The following SLC6A19 variants were observed in gnomAD, a reference collection of about 807,000 sequenced individuals.
SLC6A19 encodes solute carrier family 6 member 19.
In SLC6A19, 67 loss-of-function variants were observed where a neutral mutation model predicts 68.3. The ratio of observed to expected loss-of-function variants is 0.98; its 90% confidence interval spans 0.81 to 1.20. The LOEUF (loss-of-function observed/expected upper bound fraction) is 1.20, where lower values mean the gene tolerates loss of function less well. SLC6A19 is among the 50% of genes most tolerant of loss of function. The pLI is 0.00. For synonymous variants in SLC6A19, 392 were observed against 374.9 expected (o/e 1.05, Z -0.53); for missense variants, 813 against 851.6 (o/e 0.95, Z 0.56).
At chr5:1,211,233 C>G (rs868014793) in intron 3 of SLC6A19, among the ~76,000 whole-genome samples, 1 of 152,186 alleles carries the variant, frequency 6.6e-6, no homozygotes, top group Non-Finnish European at 1.5e-5. Flanking sequence ...GGTCCTCCCA[C>G]GATACGTGCA....
At position 1,223,252 on chromosome 5, in the gene SLC6A19, A is replaced by C. The variant is rs1746445310; in HGVS notation, c.*1348A>C. ...TAGATGAGCAGTTAAATAAAACTCAACTTGGCATAATTCAAGGCAAATACC... is the reference window on the plus strand; with the variant it reads ...TAGATGAGCAGTTAAATAAAACTCACCTTGGCATAATTCAAGGCAAATACC... On this transcript the variant is annotated 3_prime_UTR_variant, in exon 12 of 12. Transcript: ENST00000304460. 1 of 152,250 alleles carries C rather than the reference A, an allele frequency of 6.6e-6. No homozygotes were observed. The highest frequency in any genetic ancestry group is 6.5e-5 in the Admixed American group (1 of 15,288). 9.4% of individuals were successfully genotyped at this position (152,250 alleles called of 1,614,324 possible).
chr5:1,205,258 A>G (rs1745821986), intron 1 of SLC6A19, among the ~76,000 whole-genome samples: 1 of 152,136 alleles, frequency 6.6e-6, no homozygotes, highest in African/African-American at 2.4e-5. Context: ...ACCTCACCCC[A>G]CACTAGGAAG....
intron 1 of SLC6A19, among the ~76,000 whole-genome samples, chr5:1,206,146 G>T (rs1037572483): frequency 2.6e-5 from 4 of 152,232 alleles, no homozygotes; most frequent in Non-Finnish European, 5.9e-5. Flanking sequence ...AAGGCTCCGT[G>T]TTAAACTGGG....
At chr5:1,219,296 C>G (rs544512147) in intron 9 of SLC6A19, among the ~76,000 whole-genome samples, 189 bp downstream of exon 9, 297 of 148,604 alleles carry the variant, frequency 2.0e-3, no homozygotes, top group African/African-American at 6.9e-3. Context: ...GTGTGCAGCC[C>G]CCGGGCGTGT....
rs1264580604 is a variant in SLC6A19 at position 1,224,528 on chromosome 5, G to C, written c.*2624G>C. 2 of 152,400 alleles carry C rather than the reference G, an allele frequency of 1.3e-5. No individual in the cohort carries two copies. Among genetic ancestry groups the C allele is most frequent in the African/African-American group, 4.8e-5 (2 of 41,466 alleles). 9.4% of individuals were successfully genotyped at this position (152,400 alleles called of 1,614,324 possible). ...CTTGCTCCGAAGAGGCCATGGCCCA[G>C]GCCTGTGGCCTCACAATGGGGACCA... On this transcript the variant is annotated 3_prime_UTR_variant, in exon 12 of 12. Coordinates refer to ENST00000304460, the MANE Select transcript of SLC6A19 (RefSeq NM_001003841.3).
In SLC6A19 at chr5:1,221,179, G is replaced by C; in HGVS notation, c.1567G>C (p.Gly523Arg). Residue 523 changes from glycine to arginine, a missense_variant, in exon 11 of 12, where the codon GGC (glycine) becomes CGC (arginine). Transcript: ENST00000304460. ...RFNKDIEFMIGHKPNIFWQVT... is the reference protein window; with the variant it reads ...RFNKDIEFMIRHKPNIFWQVT... ...CAATAAGGACATCGAGTTCATGATC[G>C]GCCACAAGCCCAACATCTTCTGGCA... The C allele has an allele frequency of 6.2e-7, 1 of 1,613,972 alleles. No homozygotes were observed. Among genetic ancestry groups the C allele is most frequent in the Non-Finnish European group, 8.5e-7 (1 of 1,179,960 alleles).
chr5:1,219,537 T>C lies in SLC6A19; in HGVS notation c.1411T>C (p.Phe471Leu). 1 of 1,612,400 alleles carries C rather than the reference T, an allele frequency of 6.2e-7. No homozygotes were observed. Among genetic ancestry groups the C allele is most frequent in the East Asian group, 2.2e-5 (1 of 44,876 alleles). The change falls in exon 10 of 12, where the codon TTC becomes CTC. Residue 471 changes from phenylalanine to leucine, a missense_variant. By Grantham distance (22) the Phe-to-Leu change is conservative. Transcript: ENST00000304460. ...LICLGTFLIG[F>L]IFTLNSGQYW... ...CTGCCTGGGGACATTCCTCATTGGCTTCATCTTCACGCTGAACTCCGGCCA... is the reference window on the plus strand; with the variant it reads ...CTGCCTGGGGACATTCCTCATTGGCCTCATCTTCACGCTGAACTCCGGCCA...
At chr5:1,207,357 C>T (rs573691712) in intron 1 of SLC6A19, among the ~76,000 whole-genome samples, 44 of 152,270 alleles carry the variant, frequency 2.9e-4, no homozygotes, top group African/African-American at 6.0e-4. Flanking sequence ...TACGTCCACC[C>T]GCAGAGGGAG....
rs1746186712 is a variant in SLC6A19 at position 1,215,668 on chromosome 5, T to G, written c.888-890T>G. 6.6e-6 allele frequency among the ~76,000 whole-genome samples: 1 copy of G among 152,280 alleles called. No individual in the cohort carries two copies. The highest frequency in any genetic ancestry group is 1.5e-5 in the Non-Finnish European group (1 of 68,052). On this transcript the variant is annotated intron_variant, in intron 6 of 11. Transcript: ENST00000304460. The surrounding 1 kb of genome is among the most constrained non-coding windows in gnomAD (Gnocchi z 5.1). ...CCATCCATGGACATTTTCCACGTTTTGGCTGTCATGAGTCATGCTGACGTG... is the reference window on the plus strand; with the variant it reads ...CCATCCATGGACATTTTCCACGTTTGGGCTGTCATGAGTCATGCTGACGTG...
At chr5:1,206,101 C>A (rs1745843084) in intron 1 of SLC6A19, among the ~76,000 whole-genome samples, 1 of 152,194 alleles carries the variant, frequency 6.6e-6, no homozygotes, top group South Asian at 2.1e-4. Context: ...ACTCAACAGG[C>A]AGGCACCAAG....
intron 8 of SLC6A19, among the ~76,000 whole-genome samples, chr5:1,217,359 C>A (rs1206463486): frequency 2.0e-5 from 3 of 152,188 alleles, no homozygotes; most frequent in Non-Finnish European, 4.4e-5. Flanking sequence ...GACTGGCGGG[C>A]GAGGCTCAGC....
chr5:1,219,727 G>A, intron 10 of SLC6A19, 63 bp downstream of exon 10: 1 of 1,596,416 alleles, frequency 6.3e-7, no homozygotes. Context: ...GGGCGTTCCT[G>A]TGAGGGAGGA....
At chr5:1,210,691 C>A in intron 3 of SLC6A19, 110 bp downstream of exon 3, 1 of 1,493,462 alleles carries the variant, frequency 6.7e-7, no homozygotes, top group Non-Finnish European at 9.1e-7. Flanking sequence ...AAACCAGAGC[C>A]CCAAGGCAAC....
At chr5:1,218,483 T>C (rs1746266741) in intron 8 of SLC6A19, among the ~76,000 whole-genome samples, 2 of 152,232 alleles carry the variant, frequency 1.3e-5, no homozygotes, top group African/African-American at 2.4e-5. Flanking sequence ...CCCGAGAGCC[T>C]GTCTGTGAGC....
At position 1,221,715 on chromosome 5, in the gene SLC6A19, A is replaced by G; in HGVS notation, c.1716A>G (p.Lys572=). The change falls in exon 12 of 12, where the codon AAA becomes AAG. Residue 572 remains lysine (K), a synonymous_variant. Coordinates refer to ENST00000304460, the MANE Select transcript of SLC6A19 (RefSeq NM_001003841.3). ...TCTCTCCCCAGGAGGAATTTCCCAA[A>G]TCCCAGAAGATCTCCTACCCGAACT... ...IWDPGYEEFP[K]SQKISYPNWV... 1 of 1,614,004 alleles carries G rather than the reference A, an allele frequency of 6.2e-7. No homozygotes were observed. The highest frequency in any genetic ancestry group is 8.5e-7 in the Non-Finnish European group (1 of 1,179,892).
At position 1,212,895 on chromosome 5, in the gene SLC6A19, C is replaced by G. The variant is rs961437539; in HGVS notation, c.663+411C>G. 6.6e-6 allele frequency among the ~76,000 whole-genome samples: 1 copy of G among 152,052 alleles called. No homozygotes were observed. Among genetic ancestry groups the G allele is most frequent in the Non-Finnish European group, 1.5e-5 (1 of 67,972 alleles). ...GGTACGAGGTCCAGAGCGGCCATCC[C>G]TTTCTTCTGGTGGGCCGGCAGCCTG... On this transcript the variant is annotated intron_variant, in intron 4 of 11. Transcript: ENST00000304460. This position sits in a 1 kb window ranked among gnomAD's most constrained non-coding sequence, Gnocchi z 5.1.
At chr5:1,220,270 C>T (rs1214070829) in intron 10 of SLC6A19, among the ~76,000 whole-genome samples, 2 of 151,964 alleles carry the variant, frequency 1.3e-5, no homozygotes, top group African/African-American at 2.4e-5. Flanking sequence ...ATTAGCCAGG[C>T]ATGGTGGTGC....
rs755677544 is a variant in SLC6A19 at position 1,216,568 on chromosome 5, G to A, written c.898G>A (p.Glu300Lys). 3.7e-6 allele frequency: 6 copies of A among 1,613,980 alleles called. No homozygotes were observed. Among genetic ancestry groups the A allele is most frequent in the South Asian group, 3.3e-5 (3 of 91,092 alleles). ...SSYNSVHNNCEKDSVIVSIIN... is the reference protein window; with the variant it reads ...SSYNSVHNNCKKDSVIVSIIN... ...TGGTCTCGTCTGCAGCAACAACTGCGAGAAGGACTCGGTGATTGTGTCCAT... is the reference window on the plus strand; with the variant it reads ...TGGTCTCGTCTGCAGCAACAACTGCAAGAAGGACTCGGTGATTGTGTCCAT... Residue 300 changes from glutamate (E) to lysine (K), a missense_variant, in exon 7 of 12, where the codon GAG becomes AAG. Coordinates refer to ENST00000304460, the MANE Select transcript of SLC6A19 (RefSeq NM_001003841.3).
At position 1,209,780 on chromosome 5, in the gene SLC6A19, C is replaced by T. The variant is rs916249649; in HGVS notation, c.344-664C>T. ...TTCCCTCTTCTCTCTCTTCCCCTAT[C>T]TCCGTCTCTCCCCCTGTCTCTCTTC... On this transcript the variant is annotated intron_variant, in intron 2 of 11. Coordinates refer to ENST00000304460, the MANE Select transcript of SLC6A19 (RefSeq NM_001003841.3). The surrounding 1 kb of genome is among the most constrained non-coding windows in gnomAD (Gnocchi z 5.5). Among the ~76,000 whole-genome samples, 1 of 151,888 alleles carries T rather than the reference C, an allele frequency of 6.6e-6. No homozygotes were observed. The highest frequency in any genetic ancestry group is 1.9e-4 in the East Asian group (1 of 5,176).
Sources: gnomAD v4.1 joint callset for allele counts (sites outside exome capture counted in the v4.1 genomes callset) on GRCh38, gnomAD v4.1.1 for gene constraint, Gnocchi (gnomAD v3.1) non-coding constraint, MANE v1.5 for transcripts, NCBI Gene and HGNC (gene_info 2026-07-23, HGNC 2026-07-21) for gene names.